Variants in EFHD2 observed in about 807,000 individuals in gnomAD.
EFHD2 encodes the protein EF-hand domain family member D2.
EFHD2 carries 12 observed loss-of-function variants against 20.3 expected under a neutral mutation model. The observed-to-expected ratio is 0.59, with a 90% CI of 0.38 to 0.96. The LOEUF is 0.96. Ranked by LOEUF, EFHD2 falls within the 40% of genes least tolerant of loss-of-function variation. EFHD2 has a pLI of 0.00. For synonymous variants in EFHD2, 131 were observed against 143.9 expected (o/e 0.91, Z 0.64); for missense variants, 250 against 334.3 (o/e 0.75, Z 1.97).
intron 3 of EFHD2, chr1:15,428,005 T>C (rs531827216): frequency 4.2e-6 from 2 of 471,030 alleles, no homozygotes; most frequent in African/African-American, 4.0e-5. Context: ...AGCCACAGAA[T>C]ATAGGTTCTC....
At chr1:15,415,437 A>ACTG (rs1364586910) in intron 1 of EFHD2, among the ~76,000 whole-genome samples, 1 of 151,002 alleles carries the variant, frequency 6.6e-6, no homozygotes, top group African/African-American at 2.4e-5. Flanking sequence ...TATTTAGAGA[A>ACTG]CTGAATTGAA....
At chr1:15,418,637 GC>G (rs1553132498) in intron 1 of EFHD2, among the ~76,000 whole-genome samples, 1 of 46,968 alleles carries the variant, frequency 2.1e-5, no homozygotes, top group Non-Finnish European at 5.1e-5. Flanking sequence ...GCCAAGATAG[GC>G]CCCCCCTTAA....
chr1:15,411,445 G>A (rs1337583535), intron 1 of EFHD2, among the ~76,000 whole-genome samples: 2 of 152,120 alleles, frequency 1.3e-5, no homozygotes, highest in Non-Finnish European at 2.9e-5. Flanking sequence ...AGCTCCCTCC[G>A]GCCCATCCCT....
intron 1 of EFHD2, among the ~76,000 whole-genome samples, chr1:15,422,112 A>G: frequency 1.5e-5 from 1 of 67,580 alleles, no homozygotes; most frequent in Non-Finnish European, 2.8e-5. Context: ...TTTTTTTTTG[A>G]GACAGAGTCT....
At chr1:15,424,816 A>AC (rs1481479651) in intron 1 of EFHD2, among the ~76,000 whole-genome samples, 1 of 151,276 alleles carries the variant, frequency 6.6e-6, no homozygotes, top group Non-Finnish European at 1.5e-5. Context: ...CATGAAATAG[A>AC]CCCCCCAGTA....
rs1707557294 is a variant in EFHD2, at chr1:15,412,659, C to T, written c.308+2380C>T. ...CTGGGCTTCCACAGCTTCCCTGCCACTGGCCACCAAAACAAAGATGGAGCT... is the reference window on the plus strand; with the variant it reads ...CTGGGCTTCCACAGCTTCCCTGCCATTGGCCACCAAAACAAAGATGGAGCT... On this transcript the variant is annotated intron_variant, in intron 1 of 3. Transcript: ENST00000375980. Among the ~76,000 whole-genome samples, 3 of 152,234 alleles carry T rather than the reference C, an allele frequency of 2.0e-5. No individual in the cohort carries two copies. In the South Asian group the frequency reaches 6.2e-4, roughly 32 times the overall value.
At chr1:15,418,698 G>A (rs191543969) in intron 1 of EFHD2, among the ~76,000 whole-genome samples, 81 of 152,288 alleles carry the variant, frequency 5.3e-4, no homozygotes, top group Non-Finnish European at 1.0e-3. Context: ...ACTAAACAAC[G>A]AACTGCATCA....
chr1:15,417,213 C>T (rs543827386), intron 1 of EFHD2, among the ~76,000 whole-genome samples: 1 of 152,330 alleles, frequency 6.6e-6, no homozygotes, highest in East Asian at 1.9e-4. Context: ...CCACCACTTC[C>T]TGAGGTTGAC....
chr1:15,413,767 G>T lies in EFHD2; in HGVS notation c.308+3488G>T, dbSNP rs1286463125. ...GCTGAAACCTTGTATGATGAGGAGAGTGGTCCCGGTGTCTCAGGGTGGGGC... is the reference window on the plus strand; with the variant it reads ...GCTGAAACCTTGTATGATGAGGAGATTGGTCCCGGTGTCTCAGGGTGGGGC... On this transcript the variant is annotated intron_variant, in intron 1 of 3. Transcript: ENST00000375980. The surrounding 1 kb of genome is among the most constrained non-coding windows in gnomAD (Gnocchi z 4.4). Among the ~76,000 whole-genome samples the T allele has an allele frequency of 2.6e-5, 4 of 152,232 alleles. No individual in the cohort carries two copies. The East Asian group carries it at 7.7e-4, about 29-fold the overall frequency.
At chr1:15,420,127 G>A (rs1451375540) in intron 1 of EFHD2, among the ~76,000 whole-genome samples, 1 of 152,172 alleles carries the variant, frequency 6.6e-6, no homozygotes, top group East Asian at 1.9e-4. Context: ...GTCAGGACTG[G>A]AGCCTGTGGC....
chr1:15,414,333 A>G (rs1384066184), intron 1 of EFHD2, among the ~76,000 whole-genome samples: 1 of 151,818 alleles, frequency 6.6e-6, no homozygotes, highest in Non-Finnish European at 1.5e-5. Flanking sequence ...CAGGGGACAC[A>G]CCTCTCCCAG....
intron 1 of EFHD2, among the ~76,000 whole-genome samples, chr1:15,414,863 A>G (rs1342955959): frequency 2.6e-5 from 4 of 152,234 alleles, no homozygotes; most frequent in African/African-American, 9.6e-5. Flanking sequence ...GGCACAAAAA[A>G]GGGGAGAGCA....
chr1:15,414,858 A>C (rs1192486314), intron 1 of EFHD2, among the ~76,000 whole-genome samples: 1 of 152,212 alleles, frequency 6.6e-6, no homozygotes, highest in South Asian at 2.1e-4. Flanking sequence ...CAGGTGGCAC[A>C]AAAAAGGGGA....
At chr1:15,416,330 T>C (rs1707669460) in intron 1 of EFHD2, among the ~76,000 whole-genome samples, 1 of 152,140 alleles carries the variant, frequency 6.6e-6, no homozygotes, top group African/African-American at 2.4e-5. Context: ...AGGCCAGCCC[T>C]GCCGGCAGAG....
chr1:15,416,193 T>C (rs2473351), intron 1 of EFHD2, among the ~76,000 whole-genome samples: 43,962 of 152,048 alleles, frequency 0.29, 7,180 homozygotes, highest in African/African-American at 0.44. Flanking sequence ...CTTCTCCGGC[T>C]TCCTCGCTCT....
At chr1:15,425,221 G>A (rs992219238) in intron 1 of EFHD2, among the ~76,000 whole-genome samples, 6 of 152,098 alleles carry the variant, frequency 3.9e-5, no homozygotes, top group Non-Finnish European at 8.8e-5. Flanking sequence ...CCACCCTGCC[G>A]TGGTATTGAG....
At chr1:15,418,204 G>C (rs1707715082) in intron 1 of EFHD2, among the ~76,000 whole-genome samples, 1 of 151,040 alleles carries the variant, frequency 6.6e-6, no homozygotes, top group Admixed American at 6.6e-5. Context: ...TGGCCAAGCT[G>C]GTCTCAAACT....
At chr1:15,418,877 C>T (rs1707738522) in intron 1 of EFHD2, among the ~76,000 whole-genome samples, 1 of 152,230 alleles carries the variant, frequency 6.6e-6, no homozygotes, top group African/African-American at 2.4e-5. Context: ...TCACCTATGA[C>T]CTGGGCTAAG....
rs751655259 is a variant in EFHD2, at chr1:15,430,124, CCAGCGCAG to C, written c.*1405_*1412del. 100 of 152,690 alleles carry C rather than the reference CCAGCGCAG, an allele frequency of 6.5e-4. No homozygotes were observed. The highest frequency in any genetic ancestry group is 1.1e-3 in the Non-Finnish European group (77 of 68,022). 9.5% of individuals were successfully genotyped at this position (152,690 alleles called of 1,614,324 possible). A position where few individuals can be genotyped will look rare whatever the true frequency, so the allele number is the denominator to read the frequency against. On this transcript the variant is annotated 3_prime_UTR_variant, in exon 4 of 4. Coordinates refer to ENST00000375980, the MANE Select transcript of EFHD2 (RefSeq NM_024329.6). Reference sequence around the variant, plus strand: ...CTGCAGAAATTAGGAGGCACCGAGCCCAGCGCAGCAGCCTCGGACCCGGATTGCGTTTG... The same window carrying C: ...CTGCAGAAATTAGGAGGCACCGAGCCCAGCCTCGGACCCGGATTGCGTTTG...
Sources: allele counts gnomAD v4.1 joint callset (sites outside exome capture counted in the v4.1 genomes callset), GRCh38; gene constraint gnomAD v4.1.1; non-coding constraint Gnocchi (gnomAD v3.1); transcripts MANE v1.5; gene names NCBI Gene and HGNC (gene_info 2026-07-23, HGNC 2026-07-21).